Variants in SYNE1 observed in about 807,000 individuals in gnomAD.
SYNE1 encodes the protein spectrin repeat containing nuclear envelope protein 1.
Under a neutral mutation model 1,111.0 loss-of-function variants are expected in SYNE1, and 616 were observed. The observed-to-expected ratio is 0.55, with a 90% CI of 0.52 to 0.59. The LOEUF is 0.59. Among genes scored for constraint, SYNE1 ranks in the 20% least tolerant of loss-of-function variants. The pLI, the probability that SYNE1 is intolerant of heterozygous loss-of-function variation, is 0.00. For missense variants in SYNE1, 10,006 were observed against 10,417.0 expected, an observed-to-expected ratio of 0.96 and a Z score of 1.72; for synonymous variants, 3,855 against 3,825.8, an observed-to-expected ratio of 1.01 and a Z score of -0.28.
chr6:152,441,001 G>T, intron 32 of SYNE1, 129 bp downstream of exon 32: 1 of 1,106,246 alleles, frequency 9.0e-7, no homozygotes, highest in East Asian at 2.6e-5. Flanking sequence ...TGAAAGAATG[G>T]GTCATCAATA....
chr6:152,269,099 C>T (rs2092982323), intron 99 of SYNE1, 56 bp downstream of exon 99: 1 of 1,613,398 alleles, frequency 6.2e-7, no homozygotes. Context: ...AAATATGCCT[C>T]TCAGGTTCTT....
chr6:152,541,076 C>G (rs1158939307), intron 3 of SYNE1, among the ~76,000 whole-genome samples: 1 of 152,112 alleles, frequency 6.6e-6, no homozygotes, highest in African/African-American at 2.4e-5. Context: ...GTTTGCGGTA[C>G]TTTGCTATGT....
At chr6:152,529,820 A>G (rs1042608185) in intron 4 of SYNE1, among the ~76,000 whole-genome samples, 3 of 141,918 alleles carry the variant, frequency 2.1e-5, no homozygotes, top group Non-Finnish European at 4.8e-5. Flanking sequence ...CCCAGGTCTT[A>G]GTGTCCAGGG....
At chr6:152,144,038 T>C in intron 137 of SYNE1, 1 of 466,990 alleles carries the variant, frequency 2.1e-6, no homozygotes, top group Non-Finnish European at 3.9e-6. Flanking sequence ...CACCTGACCC[T>C]CTTCCAGCTG....
intron 131 of SYNE1, among the ~76,000 whole-genome samples, chr6:152,157,359 G>C (rs572588928): frequency 6.6e-5 from 10 of 152,314 alleles, no homozygotes; most frequent in Admixed American, 6.5e-4. Context: ...TCACTTGTAT[G>C]TGGGAGCTAA....
chr6:152,487,825 C>T (rs948171855), intron 12 of SYNE1, among the ~76,000 whole-genome samples: 3 of 152,090 alleles, frequency 2.0e-5, no homozygotes, highest in East Asian at 1.9e-4. Context: ...CCTGTAATCC[C>T]AGCACTTTGG....
intron 127 of SYNE1, among the ~76,000 whole-genome samples, chr6:152,193,489 T>C (rs967842416): frequency 9.2e-5 from 14 of 152,116 alleles, no homozygotes; most frequent in Admixed American, 8.5e-4. Flanking sequence ...GGTTAATTTT[T>C]ATAATTTTGT....
intron 36 of SYNE1, among the ~76,000 whole-genome samples, chr6:152,429,679 T>C (rs1592524170): frequency 1.3e-5 from 2 of 152,186 alleles, no homozygotes; most frequent in East Asian, 1.9e-4. Flanking sequence ...AGATTCGCAA[T>C]GATGAGAAAA....
intron 14 of SYNE1, among the ~76,000 whole-genome samples, chr6:152,480,155 C>T (rs2098877901): frequency 6.6e-6 from 1 of 152,166 alleles, no homozygotes. Flanking sequence ...TATACCAGCA[C>T]AGAGGTGTTA....
chr6:152,260,169 A>C (rs1416862145), intron 101 of SYNE1, among the ~76,000 whole-genome samples: 1 of 152,212 alleles, frequency 6.6e-6, no homozygotes, highest in Non-Finnish European at 1.5e-5. Flanking sequence ...GAAATATCGT[A>C]GATTTCTCTA....
chr6:152,623,275 G>T (rs547830202), intron 3 of SYNE1, among the ~76,000 whole-genome samples: 1 of 152,182 alleles, frequency 6.6e-6, no homozygotes, highest in Admixed American at 6.5e-5. Context: ...AATAAATGGT[G>T]CTGGAATAAC....
chr6:152,258,665 A>G (rs2091391818), intron 101 of SYNE1, among the ~76,000 whole-genome samples: 2 of 152,088 alleles, frequency 1.3e-5, no homozygotes, highest in African/African-American at 2.4e-5. Context: ...TGGCTCCCCA[A>G]TAAGGGCAAT....
At chr6:152,636,925 C>A (rs1242100210) in intron 1 of SYNE1, 120 bp from the exon 2 acceptor site, 1 of 152,426 alleles carries the variant, frequency 6.6e-6, no homozygotes, top group Non-Finnish European at 1.5e-5. Flanking sequence ...AGCCGCGCTC[C>A]CCGCCCTCCG....
chr6:152,256,330 TGA>T (rs1402971922), intron 102 of SYNE1, among the ~76,000 whole-genome samples: 3 of 151,110 alleles, frequency 2.0e-5, no homozygotes, highest in Admixed American at 2.0e-4. Context: ...TTCGGGAGGG[TGA>T]GACAGGAGAA....
chr6:152,367,210 A>T lies in SYNE1; in HGVS notation c.9972+8T>A. ...AGGTTGGAGATATTTCTGTGTAAAG[A>T]TGCACACCTCGAGCTTGAGCGTCCT... On this transcript the variant is annotated splice_region_variant and intron_variant, in intron 62 of 145. Coordinates refer to ENST00000367255, the MANE Select transcript of SYNE1 (RefSeq NM_182961.4). 6.2e-7 allele frequency: 1 copy of T among 1,614,212 alleles called. No homozygotes were observed. The highest frequency in any genetic ancestry group is 8.5e-7 in the Non-Finnish European group (1 of 1,180,046).
intron 76 of SYNE1, chr6:152,335,431 CAA>C (rs1301968882): frequency 6.6e-6 from 1 of 152,014 alleles, no homozygotes; most frequent in African/African-American, 2.4e-5. Context: ...TTATAATAAA[CAA>C]AACTTTTCTT....
At chr6:152,511,626 A>G (rs1035778574) in intron 6 of SYNE1, 2 of 1,601,262 alleles carry the variant, frequency 1.2e-6, no homozygotes, top group South Asian at 1.1e-5. Context: ...GATAATAGAT[A>G]TACATAAATC....
At chr6:152,258,315 T>C (rs900010135) in intron 101 of SYNE1, among the ~76,000 whole-genome samples, 4 of 152,222 alleles carry the variant, frequency 2.6e-5, no homozygotes, top group African/African-American at 4.8e-5. Context: ...GGATTGGTTA[T>C]GAGCACTGAG....
At position 152,260,460 on chromosome 6, in the gene SYNE1, C is replaced by G. The variant is rs559503292; in HGVS notation, c.18972+1572G>C. Among the ~76,000 whole-genome samples the G allele has an allele frequency of 2.4e-4, 37 of 152,276 alleles. No homozygotes were observed. In the South Asian group the frequency reaches 7.3e-3, roughly 30 times the overall value. On this transcript the variant is annotated intron_variant, in intron 101 of 145. Coordinates refer to ENST00000367255, the MANE Select transcript of SYNE1 (RefSeq NM_182961.4). Reference sequence around the variant, plus strand: ...TCTGGGACACCTGCTTCCAGGAATACAGTGCTTTAAGTTTCCCAGGGCAGA... The same window carrying G: ...TCTGGGACACCTGCTTCCAGGAATAGAGTGCTTTAAGTTTCCCAGGGCAGA...
Sources: gnomAD v4.1 joint callset for allele counts (sites outside exome capture counted in the v4.1 genomes callset) on GRCh38, gnomAD v4.1.1 for gene constraint, MANE v1.5 for transcripts, NCBI Gene and HGNC (gene_info 2026-07-23, HGNC 2026-07-21) for gene names.